The following UBR3 variants were observed in gnomAD, a reference collection of about 807,000 sequenced individuals.
UBR3 encodes ubiquitin protein ligase E3 component n-recognin 3.
UBR3 carries 85 observed loss-of-function variants against 243.2 expected under a neutral mutation model. The observed-to-expected ratio is 0.35, with a 90% CI of 0.29 to 0.42. UBR3 has a LOEUF of 0.42. UBR3 is among the 10% of genes least tolerant of loss of function. The probability of loss-of-function intolerance (pLI) is 1.00; values close to 1 mark genes in which losing one functional copy is unlikely to be tolerated. For synonymous variants in UBR3, 748 were observed against 799.8 expected (o/e 0.94, Z 1.09); for missense variants, 1,686 against 2,300.8 (o/e 0.73, Z 5.47).
chr2:170,035,278 A>G (rs1245819919), intron 31 of UBR3, among the ~76,000 whole-genome samples: 7 of 151,996 alleles, frequency 4.6e-5, no homozygotes, highest in Non-Finnish European at 1.0e-4. Flanking sequence ...TTTCTCCTAT[A>G]AGAATTTTAT....
intron 10 of UBR3, among the ~76,000 whole-genome samples, chr2:169,912,590 A>G (rs1178173920): frequency 6.6e-6 from 1 of 151,950 alleles, no homozygotes; most frequent in African/African-American, 2.4e-5. Context: ...ACAACATTTC[A>G]TTTGTCCTTT....
intron 21 of UBR3, among the ~76,000 whole-genome samples, chr2:169,946,788 G>T (rs1420368405): frequency 3.9e-5 from 6 of 152,042 alleles, no homozygotes; most frequent in African/African-American, 1.4e-4. Flanking sequence ...CAGTAAAACT[G>T]AAGTTAGGAC....
At chr2:170,076,597 T>C (rs1483906778) in intron 36 of UBR3, among the ~76,000 whole-genome samples, 3 of 152,180 alleles carry the variant, frequency 2.0e-5, no homozygotes, top group African/African-American at 7.2e-5. Flanking sequence ...AGAATGAAAA[T>C]GTTGCAAAGA....
At chr2:169,859,306 C>T (rs1424076505) in intron 1 of UBR3, among the ~76,000 whole-genome samples, 4 of 152,016 alleles carry the variant, frequency 2.6e-5, no homozygotes, top group Non-Finnish European at 4.4e-5. Context: ...CTCCTGACCT[C>T]GTGATCCACC....
intron 30 of UBR3, among the ~76,000 whole-genome samples, chr2:170,020,616 G>A (rs112533886): frequency 6.6e-6 from 1 of 152,086 alleles, no homozygotes; most frequent in Non-Finnish European, 1.5e-5. Flanking sequence ...TTTCCCCCCT[G>A]TTAATTAACA....
chr2:169,912,748 A>T (rs1285703393), intron 10 of UBR3, among the ~76,000 whole-genome samples: 1 of 151,760 alleles, frequency 6.6e-6, no homozygotes, highest in Non-Finnish European at 1.5e-5. Context: ...GTCTTATGGT[A>T]ACTCTATATT....
intron 30 of UBR3, among the ~76,000 whole-genome samples, chr2:170,017,182 G>T (rs576399410): frequency 3.3e-3 from 486 of 149,366 alleles, no homozygotes; most frequent in South Asian, 9.7e-3. Flanking sequence ...TCATCTTCCA[G>T]TGCAACTTCA....
chr2:169,830,211 TA>T (rs2081890064), intron 1 of UBR3, among the ~76,000 whole-genome samples: 1 of 152,178 alleles, frequency 6.6e-6, no homozygotes, highest in Admixed American at 6.5e-5. Context: ...AGTATAAAAT[TA>T]AAAACGTGGT....
In UBR3 at chr2:170,010,632, G is replaced by C. The variant is rs2090055243; in HGVS notation, c.4367+1692G>C. Among the ~76,000 whole-genome samples, 2 of 152,292 alleles carry C rather than the reference G, an allele frequency of 1.3e-5. 1 individual carries two copies. Among genetic ancestry groups the C allele is most frequent in the South Asian group, 4.1e-4 (2 of 4,826 alleles). On this transcript the variant is annotated intron_variant, in intron 29 of 38. Transcript: ENST00000272793. ...GACATTTTGGTTTCTCTATTTTTTA[G>C]AGAAGCAGGGACAGATGTCGAATGC...
At chr2:169,838,309 G>A (rs1432245774) in intron 1 of UBR3, among the ~76,000 whole-genome samples, 1 of 152,018 alleles carries the variant, frequency 6.6e-6, no homozygotes, top group East Asian at 1.9e-4. Flanking sequence ...TTGTGCTGCT[G>A]TTACATCAGA....
chr2:169,878,483 G>A (rs2083700573), intron 4 of UBR3, 42 bp from the exon 5 acceptor site: 1 of 1,523,574 alleles, frequency 6.6e-7, no homozygotes, highest in Non-Finnish European at 8.9e-7. Context: ...AAAGCAATAT[G>A]TAGCAACTAT....
At chr2:169,885,725 T>C (rs1049341861) in intron 5 of UBR3, among the ~76,000 whole-genome samples, 1 of 152,228 alleles carries the variant, frequency 6.6e-6, no homozygotes, top group Non-Finnish European at 1.5e-5. Context: ...CTTTGCAAAA[T>C]AAGTTACTGT....
At chr2:170,014,621 G>C (rs542575927) in intron 29 of UBR3, among the ~76,000 whole-genome samples, 22 of 152,154 alleles carry the variant, frequency 1.4e-4, no homozygotes, top group Non-Finnish European at 2.6e-4. Context: ...TATTTTGTAA[G>C]CTAATAATTG....
chr2:169,967,820 G>A (rs1265636243), intron 24 of UBR3, among the ~76,000 whole-genome samples: 1 of 151,816 alleles, frequency 6.6e-6, no homozygotes, highest in Non-Finnish European at 1.5e-5. Context: ...TTTGCTTTGT[G>A]TGCTACCATT....
At chr2:169,883,443 CT>C (rs1272358823) in intron 5 of UBR3, among the ~76,000 whole-genome samples, 4 of 152,188 alleles carry the variant, frequency 2.6e-5, no homozygotes, top group African/African-American at 4.8e-5. Context: ...TCACTTCATC[CT>C]TTTTGTTATA....
chr2:169,964,504 T>TGGAGGGAA (rs1220212880), intron 24 of UBR3: 1 of 462,162 alleles, frequency 2.2e-6, no homozygotes, highest in Non-Finnish European at 4.5e-6. Context: ...CTGAGGAAAC[T>TGGAGGGAA]GGAGGGAAGG....
chr2:169,987,959 C>A (rs1263051355), intron 25 of UBR3, among the ~76,000 whole-genome samples: 2 of 152,000 alleles, frequency 1.3e-5, no homozygotes, highest in African/African-American at 4.8e-5. Flanking sequence ...GTAATATAAA[C>A]AAAAAGAATC....
intron 32 of UBR3, among the ~76,000 whole-genome samples, chr2:170,043,025 G>A (rs1027511128): frequency 5.3e-5 from 8 of 152,124 alleles, no homozygotes; most frequent in Admixed American, 6.5e-5. Flanking sequence ...CTTGGATCAT[G>A]CTGGTTTACT....
At chr2:169,979,748 G>A (rs1164299088) in intron 24 of UBR3, among the ~76,000 whole-genome samples, 2 of 152,166 alleles carry the variant, frequency 1.3e-5, no homozygotes, top group Admixed American at 6.6e-5. Flanking sequence ...TTGAGGCACA[G>A]GTGAATAAAT....
Sources: allele counts gnomAD v4.1 joint callset (sites outside exome capture counted in the v4.1 genomes callset), GRCh38; gene constraint gnomAD v4.1.1; transcripts MANE v1.5; gene names NCBI Gene and HGNC (gene_info 2026-07-23, HGNC 2026-07-21).